ETFA: variants seen among roughly 807,000 people sequenced by gnomAD.
ETFA encodes the protein electron transfer flavoprotein subunit alpha, mitochondrial.
In ETFA, 22 loss-of-function variants were observed where a neutral mutation model predicts 46.2. The ratio of observed to expected loss-of-function variants is 0.48; its 90% CI spans 0.34 to 0.68. The LOEUF is 0.68. Among genes scored for constraint, ETFA ranks in the 30% least tolerant of loss-of-function variants. The pLI is 0.01. For missense variants in ETFA, 345 were observed against 401.1 expected (o/e 0.86, Z 1.19); for synonymous variants, 131 against 139.9 (o/e 0.94, Z 0.45).
chr15:76,259,416 TGGAGTG>T, intron 9 of ETFA: 1 of 1,247,434 alleles, frequency 8.0e-7, no homozygotes, highest in South Asian at 1.2e-5. Flanking sequence ...TTGGCTTGGA[TGGAGTG>T]GGAGTGTAAG....
At chr15:76,272,541 T>G (rs1353808683) in intron 9 of ETFA, among the ~76,000 whole-genome samples, 1 of 152,072 alleles carries the variant, frequency 6.6e-6, no homozygotes, top group South Asian at 2.1e-4. Flanking sequence ...TAGACATATT[T>G]TTGGTTAAGA....
At chr15:76,290,892 AT>A (rs1415918976) in intron 4 of ETFA, among the ~76,000 whole-genome samples, 1 of 152,182 alleles carries the variant, frequency 6.6e-6, no homozygotes. Context: ...ATAAGGATGT[AT>A]TTGTGTACAA....
At chr15:76,270,338 G>A (rs2039516085) in intron 9 of ETFA, among the ~76,000 whole-genome samples, 1 of 152,134 alleles carries the variant, frequency 6.6e-6, no homozygotes, top group Non-Finnish European at 1.5e-5. Context: ...GGAAAAGGGA[G>A]AAAACCAAAA....
chr15:76,257,936 GCA>G (rs2039361861), intron 9 of ETFA, among the ~76,000 whole-genome samples: 2 of 145,384 alleles, frequency 1.4e-5, no homozygotes, highest in Non-Finnish European at 3.0e-5. Flanking sequence ...ACCAAACAAC[GCA>G]TGTTCTCACT....
chr15:76,222,648 G>T (rs1453062786), intron 11 of ETFA, among the ~76,000 whole-genome samples: 1 of 152,178 alleles, frequency 6.6e-6, no homozygotes, highest in Non-Finnish European at 1.5e-5. Context: ...AGAAATGAGA[G>T]AGAAGGGGAA....
At chr15:76,310,153 G>A (rs1334339406) in intron 1 of ETFA, 1 of 156,102 alleles carries the variant, frequency 6.4e-6, no homozygotes, top group African/African-American at 2.4e-5. Flanking sequence ...AGCTGAGGTG[G>A]GAGAATCGCT....
chr15:76,236,362 A>C (rs188024866), intron 9 of ETFA, among the ~76,000 whole-genome samples: 1 of 152,370 alleles, frequency 6.6e-6, no homozygotes, highest in East Asian at 1.9e-4. Flanking sequence ...ATTTTTAATA[A>C]TGTAATCTCA....
intron 10 of ETFA, chr15:76,227,927 A>T (rs1245074342): frequency 1.1e-4 from 48 of 455,990 alleles, no homozygotes; most frequent in Non-Finnish European, 4.4e-6. Flanking sequence ...TGCTACACAC[A>T]TTAAGATGCA....
At chr15:76,308,627 C>A (rs1174268938) in intron 1 of ETFA, among the ~76,000 whole-genome samples, 1 of 152,136 alleles carries the variant, frequency 6.6e-6, no homozygotes, top group Non-Finnish European at 1.5e-5. Context: ...GGCTGAGGAA[C>A]CTTTCTAACA....
chr15:76,302,863 T>C (rs2039894327), intron 1 of ETFA, among the ~76,000 whole-genome samples: 4 of 152,324 alleles, frequency 2.6e-5, no homozygotes, highest in Middle Eastern at 6.8e-3. Context: ...ATTTTATTTT[T>C]AGAGACAGTG....
intron 9 of ETFA, among the ~76,000 whole-genome samples, chr15:76,258,699 G>A (rs1163128705): frequency 6.6e-6 from 1 of 152,176 alleles, no homozygotes; most frequent in Admixed American, 6.5e-5. Flanking sequence ...GGTAACCATG[G>A]AAACATAATC....
rs558644589 is a variant in ETFA at position 76,257,883 on chromosome 15, T to C, written c.816+16529A>G. On this transcript the variant is annotated intron_variant, in intron 9 of 11. Transcript: ENST00000557943. ...GTCCTTTGTAGGGACATGGATGAAA[T>C]TGGAAATCATCATTCTCAGTAAATT... Among the ~76,000 whole-genome samples, 6 of 151,306 alleles carry C rather than the reference T, an allele frequency of 4.0e-5. No homozygotes were observed. The South Asian group carries it at 6.3e-4, about 16-fold the overall frequency.
intron 11 of ETFA, among the ~76,000 whole-genome samples, chr15:76,222,206 A>ATATTT: frequency 6.7e-6 from 1 of 149,122 alleles, no homozygotes; most frequent in East Asian, 1.9e-4. Context: ...TTATATAAAT[A>ATATTT]TATTTTTTAA....
intron 8 of ETFA, among the ~76,000 whole-genome samples, chr15:76,282,128 T>TC (rs1051016169): frequency 3.3e-4 from 50 of 152,108 alleles, no homozygotes; most frequent in African/African-American, 1.1e-3. Context: ...AGTCTCAAAC[T>TC]CCGGACCTCA....
chr15:76,260,562 G>A, intron 9 of ETFA: 1 of 1,495,934 alleles, frequency 6.7e-7, no homozygotes, highest in Non-Finnish European at 9.2e-7. Flanking sequence ...ATCCCAGCCT[G>A]TCAAATTGGC....
chr15:76,271,521 A>G (rs1296889144), intron 9 of ETFA, among the ~76,000 whole-genome samples: 1 of 152,240 alleles, frequency 6.6e-6, no homozygotes, highest in Non-Finnish European at 1.5e-5. Flanking sequence ...AACTATTAAT[A>G]TTTAAGATTG....
intron 9 of ETFA, among the ~76,000 whole-genome samples, chr15:76,273,306 A>G (rs2039558318): frequency 6.6e-6 from 1 of 152,202 alleles, no homozygotes; most frequent in Non-Finnish European, 1.5e-5. Flanking sequence ...CTGTAATTCC[A>G]GCACTTTGGG....
At chr15:76,225,803 C>G in intron 11 of ETFA, 46 bp downstream of exon 11, 1 of 1,147,570 alleles carries the variant, frequency 8.7e-7, no homozygotes, top group South Asian at 1.2e-5. Flanking sequence ...GAGAGTTTCT[C>G]GGATGACAAT....
At chr15:76,216,777 C>T (rs1246740861) in intron 11 of ETFA, among the ~76,000 whole-genome samples, 180 bp from the exon 12 acceptor site, 3 of 151,252 alleles carry the variant, frequency 2.0e-5, no homozygotes, top group South Asian at 2.1e-4. Flanking sequence ...CCACCCAGGG[C>T]GACTACCCAG....
Sources: allele counts gnomAD v4.1 joint callset (sites outside exome capture counted in the v4.1 genomes callset), GRCh38; gene constraint gnomAD v4.1.1; transcripts MANE v1.5; gene names NCBI Gene and HGNC (gene_info 2026-07-23, HGNC 2026-07-21).